Variants in CNTNAP5 observed in about 807,000 individuals in gnomAD.
CNTNAP5 encodes the protein contactin-associated protein-like 5.
Under a neutral mutation model 150.2 loss-of-function variants are expected in CNTNAP5, and 72 were observed. That is an observed-to-expected ratio of 0.48 (90% confidence interval 0.40 to 0.58). The LOEUF is 0.58. Among genes scored for constraint, CNTNAP5 ranks in the 20% least tolerant of loss-of-function variants. CNTNAP5 has a pLI of 0.00. For synonymous variants in CNTNAP5, 672 were observed against 619.8 expected (o/e 1.08, Z -1.25); for missense variants, 1,636 against 1,626.2 (o/e 1.01, Z -0.10).
At chr2:124,238,903 T>G (rs1376731712) in intron 2 of CNTNAP5, among the ~76,000 whole-genome samples, 1 of 152,208 alleles carries the variant, frequency 6.6e-6, no homozygotes, top group Non-Finnish European at 1.5e-5. Flanking sequence ...ATGGCAACCC[T>G]GGGTGTCTTC....
chr2:124,102,639 C>T (rs377137167), intron 1 of CNTNAP5, among the ~76,000 whole-genome samples: 4 of 152,184 alleles, frequency 2.6e-5, no homozygotes, highest in East Asian at 1.9e-4. Context: ...TTCAAATAAG[C>T]CCCGTGCTCC....
intron 10 of CNTNAP5, among the ~76,000 whole-genome samples, chr2:124,538,653 A>C (rs1695304275): frequency 6.6e-6 from 1 of 151,978 alleles, no homozygotes; most frequent in South Asian, 2.1e-4. Flanking sequence ...GAAAGGAAAA[A>C]GAAGGAAGGA....
intron 8 of CNTNAP5, among the ~76,000 whole-genome samples, chr2:124,515,326 A>G (rs572568958): frequency 1.3e-5 from 2 of 152,270 alleles, no homozygotes; most frequent in African/African-American, 4.8e-5. Context: ...TCTGACCCCC[A>G]GGTACCTGTT....
In CNTNAP5 at chr2:124,064,291, T is replaced by C. The variant is rs182664839; in HGVS notation, c.82+38559T>C. 2.2e-3 allele frequency among the ~76,000 whole-genome samples: 340 copies of C among 152,270 alleles called. 2 individuals carry two copies. The highest frequency in any genetic ancestry group is 7.7e-3 in the African/African-American group (322 of 41,564). The stretch of plus-strand genomic sequence containing the variant: ...TTTAAAGGCTTAGAATAAAGAGCAC[T>C]ATCTGATGGAGGTCACTCGCTATAG... On this transcript the variant is annotated intron_variant, in intron 1 of 23. Transcript: ENST00000682447.
chr2:124,695,255 G>A (rs1417554131), intron 13 of CNTNAP5, among the ~76,000 whole-genome samples: 1 of 152,164 alleles, frequency 6.6e-6, no homozygotes, highest in Non-Finnish European at 1.5e-5. Context: ...CAGTAGCACA[G>A]CACTTGCAGT....
intron 16 of CNTNAP5, among the ~76,000 whole-genome samples, chr2:124,769,292 C>CT (rs1392939725): frequency 2.0e-5 from 3 of 152,040 alleles, no homozygotes; most frequent in South Asian, 2.1e-4. Context: ...CATGCCCTTT[C>CT]TTTTTTTTAT....
intron 13 of CNTNAP5, among the ~76,000 whole-genome samples, chr2:124,685,263 A>T (rs751506902): frequency 7.9e-5 from 12 of 152,138 alleles, no homozygotes; most frequent in Non-Finnish European, 1.5e-4. Context: ...AAGAAGACAC[A>T]TTATTTCCAT....
At chr2:124,826,715 A>G (rs1196538542) in intron 19 of CNTNAP5, among the ~76,000 whole-genome samples, 1 of 151,776 alleles carries the variant, frequency 6.6e-6, no homozygotes, top group African/African-American at 2.4e-5. Context: ...ATTTTAACAA[A>G]CCCTCTAGGT....
chr2:124,879,143 G>A (rs377447792), intron 21 of CNTNAP5, among the ~76,000 whole-genome samples: 31 of 152,096 alleles, frequency 2.0e-4, no homozygotes, highest in East Asian at 5.8e-4. Flanking sequence ...AATCCAGTCC[G>A]ATGCTTAAAC....
At chr2:124,629,993 C>A (rs1677816231) in intron 12 of CNTNAP5, among the ~76,000 whole-genome samples, 1 of 142,898 alleles carries the variant, frequency 7.0e-6, no homozygotes, top group African/African-American at 2.6e-5. Flanking sequence ...TTCCTGGACA[C>A]ATACAACCTC....
chr2:124,885,549 T>TCACACACACACACACACA (rs3980831), intron 21 of CNTNAP5, among the ~76,000 whole-genome samples: 11 of 145,260 alleles, frequency 7.6e-5, no homozygotes, highest in South Asian at 4.5e-4. Context: ...AACATTTTCA[T>TCACACACACACACACACA]CACACACACA....
chr2:124,408,887 A>G (rs1045459954), intron 3 of CNTNAP5, among the ~76,000 whole-genome samples: 1 of 152,226 alleles, frequency 6.6e-6, no homozygotes, highest in African/African-American at 2.4e-5. Flanking sequence ...CTGGATGGAG[A>G]ATGACTTTGA....
chr2:124,168,178 A>G (rs978801174), intron 1 of CNTNAP5, among the ~76,000 whole-genome samples: 1 of 152,170 alleles, frequency 6.6e-6, no homozygotes. Flanking sequence ...TAAATTATTA[A>G]TTCTATCAGG....
At chr2:124,547,215 A>T (rs989701411) in intron 10 of CNTNAP5, among the ~76,000 whole-genome samples, 1 of 152,172 alleles carries the variant, frequency 6.6e-6, no homozygotes, top group Non-Finnish European at 1.5e-5. Context: ...GCATTGAATG[A>T]CAGATGAGTG....
In CNTNAP5 at chr2:124,738,140, T is replaced by C. The variant is rs148254705; in HGVS notation, c.2078-9089T>C. ...GTGTGAATCGGTATAAGTTAAACTA[T>C]GCTGAGGTCATGAACATGCCCCACA... is the stretch of plus-strand genomic sequence containing the variant. On this transcript the variant is annotated intron_variant, in intron 13 of 23. Coordinates refer to ENST00000682447, the MANE Select transcript of CNTNAP5 (RefSeq NM_001367498.1). Among the ~76,000 whole-genome samples, 14 of 152,298 alleles carry C rather than the reference T, an allele frequency of 9.2e-5. No homozygotes were observed. The East Asian group carries it at 1.9e-3, about 21-fold the overall frequency.
intron 3 of CNTNAP5, among the ~76,000 whole-genome samples, chr2:124,260,406 T>A (rs894460426): frequency 1.3e-5 from 2 of 152,158 alleles, no homozygotes; most frequent in Non-Finnish European, 1.5e-5. Context: ...CCTAAAACCA[T>A]AAAATCCCTA....
chr2:124,907,393 A>G (rs1005912093), intron 22 of CNTNAP5, among the ~76,000 whole-genome samples: 19 of 151,686 alleles, frequency 1.3e-4, no homozygotes, highest in Admixed American at 9.2e-4. Flanking sequence ...ATCTCTATAT[A>G]TACATAGATA....
chr2:124,795,449 T>C (rs1460893705), intron 18 of CNTNAP5, among the ~76,000 whole-genome samples: 1 of 152,186 alleles, frequency 6.6e-6, no homozygotes, highest in Non-Finnish European at 1.5e-5. Flanking sequence ...TCTCTGTCGC[T>C]AACACATCAA....
At chr2:124,627,349 C>G (rs1381137004) in intron 12 of CNTNAP5, among the ~76,000 whole-genome samples, 1 of 152,044 alleles carries the variant, frequency 6.6e-6, no homozygotes, top group Non-Finnish European at 1.5e-5. Context: ...GGTCAGTGTC[C>G]CTCTAGGATG....
Sources: allele counts gnomAD v4.1 joint callset (sites outside exome capture counted in the v4.1 genomes callset), GRCh38; gene constraint gnomAD v4.1.1; transcripts MANE v1.5; gene names NCBI Gene and HGNC (gene_info 2026-07-23, HGNC 2026-07-21).